MRE11: variants seen among roughly 807,000 people sequenced by gnomAD.
MRE11 encodes the protein double-strand break repair protein MRE11.
MRE11 carries 62 observed loss-of-function variants against 91.7 expected under a neutral mutation model. The ratio of observed to expected loss-of-function variants is 0.68; its 90% CI spans 0.55 to 0.84. The LOEUF (loss-of-function observed/expected upper bound fraction) is 0.84, where lower values mean the gene tolerates loss of function less well. MRE11 is among the 40% of genes least tolerant of loss of function. MRE11 has a pLI of 0.00. For synonymous variants in MRE11, 273 were observed against 271.4 expected (o/e 1.01, Z -0.06); for missense variants, 796 against 852.9 (o/e 0.93, Z 0.83).
At chr11:94,497,981 C>A, upstream of MRE11, 1 of 984,564 alleles carries the variant, frequency 1.0e-6, no homozygotes, top group Non-Finnish European at 1.5e-6. Context: ...TTTTATTCAA[C>A]TTAATTAAAT....
rs771191411 is a variant in MRE11 at position 94,470,683 on chromosome 11, T to C, written c.846-41A>G. The C allele has an allele frequency of 4.0e-5, 64 of 1,604,266 alleles. No homozygotes were observed. In the African/African-American group the frequency reaches 8.0e-4, roughly 20 times the overall value. ...ATGAACACCGAGTCACAGTGTAAATTTCCTCAGGGTGATGTGCAAACGAAA... is the reference window on the plus strand; with the variant it reads ...ATGAACACCGAGTCACAGTGTAAATCTCCTCAGGGTGATGTGCAAACGAAA... On this transcript the variant is annotated intron_variant, in intron 8 of 19. Transcript: ENST00000323929.
intron 9 of MRE11, among the ~76,000 whole-genome samples, chr11:94,468,133 A>G (rs1946615636): frequency 6.6e-6 from 1 of 152,216 alleles, no homozygotes; most frequent in South Asian, 2.1e-4. Context: ...CTTTTAGAAT[A>G]AAACTTAAAA....
At chr11:94,428,582 G>A (rs1294033301) in intron 19 of MRE11, among the ~76,000 whole-genome samples, 1 of 152,080 alleles carries the variant, frequency 6.6e-6, no homozygotes, top group Admixed American at 6.5e-5. Context: ...AAAACTATCA[G>A]GCTGGGCACA....
intron 13 of MRE11, among the ~76,000 whole-genome samples, chr11:94,458,157 C>T (rs1946311691): frequency 6.7e-6 from 1 of 150,012 alleles, no homozygotes; most frequent in Admixed American, 6.6e-5. Context: ...CCATGTTAAC[C>T]AAAAGCACTA....
At chr11:94,467,440 C>A (rs1946592552) in intron 10 of MRE11, among the ~76,000 whole-genome samples, 1 of 152,018 alleles carries the variant, frequency 6.6e-6, no homozygotes, top group South Asian at 2.1e-4. Context: ...GATGATAGGG[C>A]TGCAGTGAGG....
At chr11:94,453,291 G>A (rs891491445) in intron 14 of MRE11, among the ~76,000 whole-genome samples, 1 of 152,132 alleles carries the variant, frequency 6.6e-6, no homozygotes, top group Non-Finnish European at 1.5e-5. Context: ...TACGAACACT[G>A]ATGTACAAAT....
At chr11:94,484,982 C>T (rs1947101897) in intron 4 of MRE11, among the ~76,000 whole-genome samples, 2 of 152,178 alleles carry the variant, frequency 1.3e-5, no homozygotes, top group Non-Finnish European at 2.9e-5. Flanking sequence ...GAGGCCAAGG[C>T]AGGTGGATTA....
chr11:94,432,956 T>TA (rs2134812632), intron 18 of MRE11, among the ~76,000 whole-genome samples: 1 of 152,374 alleles, frequency 6.6e-6, no homozygotes, highest in South Asian at 2.1e-4. Context: ...TTTAATTATA[T>TA]GCCTATCATT....
intron 10 of MRE11, 94 bp from the exon 11 acceptor site, chr11:94,464,333 C>T: frequency 6.7e-7 from 1 of 1,498,986 alleles, no homozygotes; most frequent in East Asian, 2.3e-5. Context: ...AGTGTTTATG[C>T]TTGATACTTT....
At position 94,485,860 on chromosome 11, in the gene MRE11, CGT is replaced by C. The variant is rs1947126946; in HGVS notation, c.314+62_314+63del. ...GGAAGGCAAAACAGTTGTGTGTTTA[CGT>C]GTCTTATACAGCAAATACCATACAC... On this transcript the variant is annotated intron_variant, in intron 4 of 19. Transcript: ENST00000323929. 4 of 1,483,564 alleles carry C rather than the reference CGT, an allele frequency of 2.7e-6. No individual in the cohort carries two copies. The East Asian group carries it at 9.1e-5, about 34-fold the overall frequency. The allele number at this position is 1,483,564 out of a possible 1,614,324, so 91.9% of individuals were successfully genotyped here.
chr11:94,481,659 C>T (rs1947016425), intron 4 of MRE11, among the ~76,000 whole-genome samples: 1 of 152,162 alleles, frequency 6.6e-6, no homozygotes, highest in Non-Finnish European at 1.5e-5. Flanking sequence ...CATTATTTCC[C>T]CTACATTGTG....
At chr11:94,457,834 C>T (rs1282137240) in intron 13 of MRE11, among the ~76,000 whole-genome samples, 1 of 151,048 alleles carries the variant, frequency 6.6e-6, no homozygotes, top group African/African-American at 2.4e-5. Flanking sequence ...TGGTCAGAGC[C>T]ACCATGACTC....
rs1445027618 is a variant in MRE11, at chr11:94,415,897, A to C, written c.*4228T>G. 1.3e-5 allele frequency: 2 copies of C among 152,242 alleles called. No individual in the cohort carries two copies. The highest frequency in any genetic ancestry group is 6.5e-5 in the Admixed American group (1 of 15,280). The allele number at this position is 152,242 out of a possible 1,614,324, so 9.4% of individuals were successfully genotyped here. ...GTGATATCAGCTCACCGTGACCTCC[A>C]ACTCCCAGGTTCAAGCAATTCTCCT... On this transcript the variant is annotated 3_prime_UTR_variant, in exon 20 of 20. Transcript: ENST00000323929.
chr11:94,488,020 T>C (rs1406570579), intron 3 of MRE11, among the ~76,000 whole-genome samples: 2 of 152,150 alleles, frequency 1.3e-5, no homozygotes, highest in African/African-American at 2.4e-5. Flanking sequence ...GTAAATATAA[T>C]ACACATCTAG....
At chr11:94,435,097 TCTGAAGGCAGA>T (rs747156872) in intron 18 of MRE11, among the ~76,000 whole-genome samples, 3 of 152,224 alleles carry the variant, frequency 2.0e-5, no homozygotes, top group Admixed American at 2.0e-4. Flanking sequence ...ATGCAAGTCC[TCTGAAGGCAGA>T]CTGAGTCTAC....
Position 94,478,767 on chromosome 11 carries a change from TTTTGAAGC to T in MRE11, c.504_511del (p.Leu169ArgfsTer16), listed in dbSNP as rs786202253. On this transcript the variant is annotated frameshift_variant, in exon 6 of 20. Transcript: ENST00000323929. LOFTEE classifies it high-confidence loss of function. ...ATATAGCGCAATCTTTGTGCTTCCT[TTTTGAAGC>T]AAAACCGGACTAATGTCTATCTTCT... 3.1e-6 allele frequency: 5 copies of T among 1,613,292 alleles called. No individual in the cohort carries two copies. Among genetic ancestry groups the T allele is most frequent in the Non-Finnish European group, 3.4e-6 (4 of 1,179,860 alleles).
rs1188101971 is a variant in MRE11, at chr11:94,490,948, A to C, written c.38T>G (p.Phe13Cys). The C allele has an allele frequency of 1.3e-6, 2 of 1,490,428 alleles. No individual in the cohort carries two copies. Among genetic ancestry groups the C allele is most frequent in the African/African-American group, 1.4e-5 (1 of 72,332 alleles). 92.3% of individuals were successfully genotyped at this position (1,490,428 alleles called of 1,614,324 possible). The change falls in exon 3 of 20, where the codon TTT becomes TGT. Residue 13 changes from phenylalanine (F) to cysteine (C), a missense_variant. Coordinates refer to ENST00000323929, the MANE Select transcript of MRE11 (RefSeq NM_005591.4). Reference protein sequence around the residue: ...TADALDDENTFKILVATDIHL... With the variant: ...TADALDDENTCKILVATDIHL... ...AATATCTGTTGCAACTAATATTTTA[A>C]ATGTGTTTTCATCATCACTATATTA...
At chr11:94,503,034 CTTG>C in the MRE11 span, among the ~76,000 whole-genome samples, 10 of 152,092 alleles carry the variant, frequency 6.6e-5, no homozygotes, top group Non-Finnish European at 1.5e-4. Flanking sequence ...GTGCAAATTT[CTTG>C]TTATTGTGTG....
chr11:94,503,764 T>C, the MRE11 span, among the ~76,000 whole-genome samples: 2 of 145,336 alleles, frequency 1.4e-5, no homozygotes, highest in Non-Finnish European at 3.0e-5. Flanking sequence ...CTAGCTATAC[T>C]TGCAGTGAGC....
Sources: allele counts gnomAD v4.1 joint callset (sites outside exome capture counted in the v4.1 genomes callset), GRCh38; gene constraint gnomAD v4.1.1; transcripts MANE v1.5; gene names NCBI Gene and HGNC (gene_info 2026-07-23, HGNC 2026-07-21).